The following FRY variants were observed in gnomAD, a reference collection of about 807,000 sequenced individuals.
The protein encoded by FRY is protein furry homolog.
A neutral mutation model predicts 348.4 loss-of-function variants in FRY; 128 were observed. The ratio of observed to expected loss-of-function variants is 0.37; its 90% CI spans 0.32 to 0.43. The LOEUF (loss-of-function observed/expected upper bound fraction) is 0.43, where lower values mean the gene tolerates loss of function less well. Among genes scored for constraint, FRY ranks in the 20% least tolerant of loss-of-function variants. The pLI, the probability that FRY is intolerant of heterozygous loss-of-function variation, is 1.00. For missense variants in FRY, 2,736 were observed against 3,695.2 expected (o/e 0.74, Z 6.73); for synonymous variants, 1,370 against 1,374.7 (o/e 1.00, Z 0.08).
chr13:32,033,950 G>A (rs1231174416), intron 1 of FRY, among the ~76,000 whole-genome samples: 1 of 152,220 alleles, frequency 6.6e-6, no homozygotes, highest in Non-Finnish European at 1.5e-5. Flanking sequence ...ATTTGTCTGT[G>A]TAGAAGGCAA....
At chr13:32,076,371 T>C (rs1297098090) in intron 1 of FRY, among the ~76,000 whole-genome samples, 1 of 152,222 alleles carries the variant, frequency 6.6e-6, no homozygotes, top group African/African-American at 2.4e-5. Context: ...CATGATGCCT[T>C]TGATACCTGA....
At chr13:32,048,092 G>A (rs1365671012) in intron 1 of FRY, among the ~76,000 whole-genome samples, 1 of 152,066 alleles carries the variant, frequency 6.6e-6, no homozygotes, top group South Asian at 2.1e-4. Context: ...AGAATCAACC[G>A]TCTTTTCATT....
Position 32,224,323 on chromosome 13 carries a change from A to T in FRY, c.4854A>T (p.Gly1618=). 1.2e-6 allele frequency: 2 copies of T among 1,613,950 alleles called. No homozygotes were observed. The highest frequency in any genetic ancestry group is 1.7e-6 in the Non-Finnish European group (2 of 1,179,930). ...PQPLPMPCTG[G]CWAPLVDYLP... is the part of the protein sequence containing the mutation. ...CCTTACCGATGCCTTGTACTGGAGG[A>T]TGCTGGGCCCCCCTGGTTGACTATC... The change falls in exon 37 of 61, where the codon GGA becomes GGT. Residue 1618 remains glycine (G), a synonymous_variant. Coordinates refer to ENST00000542859, the MANE Select transcript of FRY (RefSeq NM_023037.3).
rs866714372 is a variant in FRY at position 32,289,854 on chromosome 13, T to C, written c.8580+111T>C. 5.0e-5 allele frequency: 36 copies of C among 717,788 alleles called. No individual in the cohort carries two copies. The Middle Eastern group carries it at 1.1e-3, about 23-fold the overall frequency. The allele number at this position is 717,788 out of a possible 1,614,324, so 44.5% of individuals were successfully genotyped here. On this transcript the variant is annotated intron_variant, in intron 59 of 60. Transcript: ENST00000542859. ...CCAAGTGATTTTATTCCCGCATAAT[T>C]ATTTTGCTCAAACACAATTCTGAAA...
intron 20 of FRY, among the ~76,000 whole-genome samples, chr13:32,176,715 A>C (rs1470378444): frequency 6.6e-6 from 1 of 152,206 alleles, no homozygotes; most frequent in Admixed American, 6.5e-5. Flanking sequence ...TTCTGTGTGT[A>C]CCAAAATCAA....
intron 17 of FRY, among the ~76,000 whole-genome samples, chr13:32,168,026 G>C (rs772764635): frequency 4.6e-5 from 7 of 152,156 alleles, no homozygotes; most frequent in Non-Finnish European, 1.0e-4. Context: ...GAGAGAAACA[G>C]AAACAATAAG....
rs1051840533 is a variant in FRY at position 32,175,533 on chromosome 13, C to T, written c.2335-13C>T. The stretch of plus-strand genomic sequence containing the variant: ...ATTTTCCCATAGAGAGTAATCGCCT[C>T]CCCTTTGTACAGGATGACGACAGGC... On this transcript the variant is annotated splice_polypyrimidine_tract_variant and intron_variant, in intron 19 of 60. Coordinates refer to ENST00000542859, the MANE Select transcript of FRY (RefSeq NM_023037.3). 2.6e-6 allele frequency: 4 copies of T among 1,553,162 alleles called. No homozygotes were observed. The African/African-American group carries it at 4.1e-5, about 16-fold the overall frequency.
At chr13:32,107,659 C>T (rs1288779930) in intron 3 of FRY, among the ~76,000 whole-genome samples, 5 of 152,122 alleles carry the variant, frequency 3.3e-5, no homozygotes, top group African/African-American at 7.2e-5. Flanking sequence ...ACTGGAGTCT[C>T]GTTGGAGAGA....
chr13:32,175,317 C>T (rs1388095697), intron 19 of FRY, among the ~76,000 whole-genome samples: 1 of 152,118 alleles, frequency 6.6e-6, no homozygotes, highest in Non-Finnish European at 1.5e-5. Context: ...CTTTTCAGTA[C>T]AATGTGAAAT....
rs374799334 is a variant in FRY, at chr13:32,141,716, A to G, written c.1179+4744A>G. On this transcript the variant is annotated intron_variant, in intron 11 of 60. Coordinates refer to ENST00000542859, the MANE Select transcript of FRY (RefSeq NM_023037.3). ...CACTGATTGCATCACCAGCCAAGTT[A>G]TCAGTGAATTCACTTGTCCCCACTT... 1.1e-3 allele frequency among the ~76,000 whole-genome samples: 174 copies of G among 152,360 alleles called. 2 individuals carry two copies. The highest frequency in any genetic ancestry group is 4.0e-3 in the African/African-American group (168 of 41,590).
At position 32,237,476 on chromosome 13, in the gene FRY, A is replaced by G. The variant is rs902709430; in HGVS notation, c.5908A>G (p.Thr1970Ala). 6.2e-7 allele frequency: 1 copy of G among 1,614,104 alleles called. No individual in the cohort carries two copies. Among genetic ancestry groups the G allele is most frequent in the Non-Finnish European group, 8.5e-7 (1 of 1,180,016 alleles). Residue 1970 changes from threonine to alanine, a missense_variant, in exon 44 of 61, where the codon ACC (threonine) becomes GCC (alanine). Thr to Ala is a moderately conservative substitution (Grantham distance 58, BLOSUM62 0). Coordinates refer to ENST00000542859, the MANE Select transcript of FRY (RefSeq NM_023037.3). This position sits in a 1 kb window ranked among gnomAD's most constrained non-coding sequence, Gnocchi z 6.3. ...NMNPGTTSGN[T>A]ATAERSRHQR... The stretch of plus-strand genomic sequence containing the variant: ...GAACCCGGGAACCACCAGCGGCAAC[A>G]CCGCAACTGCCGAACGGAGCCGGCA...
intron 59 of FRY, among the ~76,000 whole-genome samples, chr13:32,293,512 G>A (rs1889480647): frequency 6.6e-6 from 1 of 151,976 alleles, no homozygotes; most frequent in South Asian, 2.1e-4. Context: ...AAGTAAACAG[G>A]CATCATCAAC....
At position 32,224,257 on chromosome 13, in the gene FRY, G is replaced by T. The variant is rs530666616; in HGVS notation, c.4788G>T (p.Thr1596=). ...EDKNDPISPY[T]GWLLTITETK... ...CAGATGATCCAATTTCTCCCTACAC[G>T]GGCTGGTTGCTGACTATTACAGAGA... The change falls in exon 37 of 61, where the codon ACG becomes ACT. Residue 1596 remains threonine (T), a synonymous_variant. Coordinates refer to ENST00000542859, the MANE Select transcript of FRY (RefSeq NM_023037.3). The T allele has an allele frequency of 1.3e-5, 21 of 1,613,896 alleles. No individual in the cohort carries two copies. The East Asian group carries it at 4.5e-4, about 34-fold the overall frequency.
At chr13:32,142,499 C>T (rs1392137657) in intron 11 of FRY, among the ~76,000 whole-genome samples, 2 of 152,190 alleles carry the variant, frequency 1.3e-5, no homozygotes, top group African/African-American at 2.4e-5. Context: ...TCCCAGCTGT[C>T]GTTTACTAAC....
Position 32,237,532 on chromosome 13 carries a change from T to C in FRY, c.5964T>C (p.Phe1988=), listed in dbSNP as rs756496894. The change falls in exon 44 of 61, where the codon TTT becomes TTC. Residue 1988 remains phenylalanine (F), a synonymous_variant. Transcript: ENST00000542859. This position sits in a 1 kb window ranked among gnomAD's most constrained non-coding sequence, Gnocchi z 6.3. ...HQRSFSVPKK[F]GVIDRSSDPP... ...GAAGCTTCTCTGTGCCCAAGAAGTT[T>C]GGTGTCATCGACCGATCCTCTGACC... 2 of 1,614,130 alleles carry C rather than the reference T, an allele frequency of 1.2e-6. No individual in the cohort carries two copies. The highest frequency in any genetic ancestry group is 1.7e-6 in the Non-Finnish European group (2 of 1,180,026).
chr13:32,105,556 A>G (rs955100436), intron 3 of FRY, among the ~76,000 whole-genome samples: 2 of 152,220 alleles, frequency 1.3e-5, no homozygotes, highest in African/African-American at 4.8e-5. Flanking sequence ...CATTCAAATT[A>G]TATAGTTTTA....
At chr13:32,209,368 A>G (rs766449594) in intron 32 of FRY, among the ~76,000 whole-genome samples, 1 of 152,180 alleles carries the variant, frequency 6.6e-6, no homozygotes, top group Non-Finnish European at 1.5e-5. Flanking sequence ...AATAAGCCTA[A>G]TATTTAAAAA....
At chr13:32,200,317 T>G (rs1883938810) in intron 29 of FRY, among the ~76,000 whole-genome samples, 1 of 152,178 alleles carries the variant, frequency 6.6e-6, no homozygotes, top group South Asian at 2.1e-4. Flanking sequence ...AAAAAAAGAT[T>G]CCCAAGGAAA....
chr13:32,163,238 C>T (rs1881549641), intron 17 of FRY, among the ~76,000 whole-genome samples: 1 of 152,196 alleles, frequency 6.6e-6, no homozygotes, highest in South Asian at 2.1e-4. Context: ...AGCCCCTCTC[C>T]AAGGCCTCAT....
Sources: allele counts gnomAD v4.1 joint callset (sites outside exome capture counted in the v4.1 genomes callset), GRCh38; gene constraint gnomAD v4.1.1; non-coding constraint Gnocchi (gnomAD v3.1); transcripts MANE v1.5; gene names NCBI Gene and HGNC (gene_info 2026-07-23, HGNC 2026-07-21).